KNTC1: variants seen among roughly 807,000 people sequenced by gnomAD.
The protein encoded by KNTC1 is kinetochore associated 1, also known as kinetochore-associated protein 1.
A neutral mutation model predicts 314.4 loss-of-function variants in KNTC1; 253 were observed. The ratio of observed to expected loss-of-function variants is 0.80; its 90% CI spans 0.73 to 0.89. The LOEUF is 0.89. Ranked by LOEUF, KNTC1 falls within the 40% of genes least tolerant of loss-of-function variation. The pLI is 0.00. For missense variants in KNTC1, 2,475 were observed against 2,572.9 expected (o/e 0.96, Z 0.82); for synonymous variants, 901 against 901.4 (o/e 1.00, Z 0.01).
intron 40 of KNTC1, 55 bp from the exon 41 acceptor site, chr12:122,590,552 T>C (rs1870042055): frequency 4.6e-6 from 7 of 1,528,870 alleles, no homozygotes; most frequent in South Asian, 1.3e-5. Flanking sequence ...GTGAACAAAG[T>C]TAATTCTGTT....
chr12:122,537,862 A>G (rs901319171), intron 3 of KNTC1, among the ~76,000 whole-genome samples: 2 of 151,928 alleles, frequency 1.3e-5, no homozygotes, highest in African/African-American at 2.4e-5. Flanking sequence ...AGCTGCATGC[A>G]GTGGCTCACA....
In KNTC1 at chr12:122,544,260, G is replaced by A. The variant is rs927924368; in HGVS notation, c.660G>A (p.Val220=). 6 of 1,509,724 alleles carry A rather than the reference G, an allele frequency of 4.0e-6. No individual in the cohort carries two copies. The highest frequency in any genetic ancestry group is 1.7e-4 in the Middle Eastern group (1 of 5,870). 93.5% of individuals were successfully genotyped at this position (1,509,724 alleles called of 1,614,324 possible). A position where few individuals can be genotyped will look rare whatever the true frequency, so the allele number is the denominator to read the frequency against. ...GAGATTTAGCAAGTGAAGTTCCTGTGATAATTGGGGTAATTGTTTTTATAA... is the reference window on the plus strand; with the variant it reads ...GAGATTTAGCAAGTGAAGTTCCTGTAATAATTGGGGTAATTGTTTTTATAA... ...VAGDLASEVP[V]IIGGTGNCAF... Residue 220 remains valine (V), a synonymous_variant, in exon 8 of 64, where the codon GTG becomes GTA. Coordinates refer to ENST00000333479, the MANE Select transcript of KNTC1 (RefSeq NM_014708.6).
At chr12:122,541,923 G>T in intron 5 of KNTC1, 127 bp from the exon 6 acceptor site, 1 of 791,432 alleles carries the variant, frequency 1.3e-6, no homozygotes, top group Non-Finnish European at 1.8e-6. Context: ...GGAGGCTGAG[G>T]CAGGAGAATT....
In KNTC1 at chr12:122,542,878, A is replaced by C. The variant is rs183902236; in HGVS notation, c.524-722A>C. Among the ~76,000 whole-genome samples the C allele has an allele frequency of 4.6e-4, 70 of 152,290 alleles. 1 individual carries two copies. Among genetic ancestry groups the C allele is most frequent in the Admixed American group, 4.1e-3 (62 of 15,288 alleles). On this transcript the variant is annotated intron_variant, in intron 6 of 63. Transcript: ENST00000333479. ...ATTATTTGAGGAATGGATTTGGAAC[A>C]GGTATTTAACATTTTGTTTTATTTT...
intron 42 of KNTC1, among the ~76,000 whole-genome samples, chr12:122,592,456 C>A (rs1418887193): frequency 6.6e-6 from 1 of 152,176 alleles, no homozygotes; most frequent in Non-Finnish European, 1.5e-5. Flanking sequence ...GCCCTTGGTG[C>A]GGGATCCACT....
intron 20 of KNTC1, among the ~76,000 whole-genome samples, chr12:122,566,131 T>TG: frequency 6.6e-6 from 1 of 151,672 alleles, no homozygotes; most frequent in Non-Finnish European, 1.5e-5. Flanking sequence ...TTAGTAGAGA[T>TG]GGGGTTTCAC....
intron 10 of KNTC1, among the ~76,000 whole-genome samples, chr12:122,547,054 G>A (rs937031446): frequency 2.0e-5 from 3 of 151,402 alleles, no homozygotes; most frequent in Admixed American, 1.3e-4. Context: ...GGCTGGTCTC[G>A]AACTCCTGAC....
At chr12:122,574,675 C>G (rs1405677070) in intron 27 of KNTC1, among the ~76,000 whole-genome samples, 1 of 152,112 alleles carries the variant, frequency 6.6e-6, no homozygotes, top group African/African-American at 2.4e-5. Context: ...TCTTGAACAC[C>G]TGGGCTCAAG....
At chr12:122,581,617 C>G (rs969655181) in intron 33 of KNTC1, among the ~76,000 whole-genome samples, 10 of 152,068 alleles carry the variant, frequency 6.6e-5, no homozygotes, top group African/African-American at 2.4e-4. Context: ...GTCTCAGCCT[C>G]TTGAGTAGCT....
intron 24 of KNTC1, among the ~76,000 whole-genome samples, 194 bp downstream of exon 24, chr12:122,571,320 A>C (rs747040232): frequency 4.0e-5 from 6 of 151,678 alleles, no homozygotes; most frequent in African/African-American, 1.5e-4. Flanking sequence ...ATTTGTGTTA[A>C]AACTTCAACC....
intron 5 of KNTC1, 31 bp downstream of exon 5, chr12:122,539,785 CTTT>C (rs35303600): frequency 1.2e-3 from 1,282 of 1,063,334 alleles, no homozygotes; most frequent in Admixed American, 1.5e-3. Context: ...TTTTGAATGA[CTTT>C]TTTTTTTTTT....
intron 51 of KNTC1, among the ~76,000 whole-genome samples, chr12:122,607,457 G>T (rs1872683921): frequency 6.6e-6 from 1 of 152,120 alleles, no homozygotes; most frequent in Admixed American, 6.6e-5. Context: ...TGTTTCATAA[G>T]CTGCCCTCCA....
chr12:122,602,370 G>A, intron 45 of KNTC1, 199 bp from the exon 46 acceptor site: 1 of 429,410 alleles, frequency 2.3e-6, no homozygotes, highest in Non-Finnish European at 4.1e-6. Flanking sequence ...TCTCCTCATA[G>A]GATTCCTTTA....
chr12:122,580,587 A>C lies in KNTC1; in HGVS notation c.2915-16A>C, dbSNP rs986073521. The C allele has an allele frequency of 4.7e-6, 7 of 1,498,096 alleles. No individual in the cohort carries two copies. In the African/African-American group the frequency reaches 9.8e-5, roughly 21 times the overall value. The allele number at this position is 1,498,096 out of a possible 1,614,324, so 92.8% of individuals were successfully genotyped here. A position where few individuals can be genotyped will look rare whatever the true frequency, so the allele number is the denominator to read the frequency against. ...AATTTGCATGTCTGCTATAACTTTT[A>C]AAAATTTAATTACAGACAATCTGCA... On this transcript the variant is annotated splice_polypyrimidine_tract_variant and intron_variant, in intron 32 of 63. Coordinates refer to ENST00000333479, the MANE Select transcript of KNTC1 (RefSeq NM_014708.6).
chr12:122,574,361 C>T lies in KNTC1; in HGVS notation c.2363C>T (p.Ala788Val), dbSNP rs766486969. The part of the protein sequence containing the change: ...AWEAKAMAVI[A>V]CLSDTDLIFD... ...GAAGCAAAGGCCATGGCAGTAATAGCGTGTTTATCTGACACGGACGTAAGT... is the reference window on the plus strand; with the variant it reads ...GAAGCAAAGGCCATGGCAGTAATAGTGTGTTTATCTGACACGGACGTAAGT... Residue 788 changes from alanine (A) to valine (V), a missense_variant, in exon 27 of 64, where the codon GCG (alanine) becomes GTG (valine). Ala to Val is a moderately conservative substitution (Grantham distance 64). Coordinates refer to ENST00000333479, the MANE Select transcript of KNTC1 (RefSeq NM_014708.6). 13 of 1,604,022 alleles carry T rather than the reference C, an allele frequency of 8.1e-6. No individual in the cohort carries two copies. The highest frequency in any genetic ancestry group is 1.1e-5 in the South Asian group (1 of 90,288).
Position 122,571,060 on chromosome 12 carries a change from G to A in KNTC1, c.1953G>A (p.Glu651=). The change falls in exon 24 of 64, where the codon GAG becomes GAA. Residue 651 remains glutamate, a synonymous_variant. Transcript: ENST00000333479. Reference sequence around the variant, plus strand: ...CAGAAAATGGACTTCAATTGGCAGAGATATTTTTTACAGCAGAAAAAACAG... The same window carrying A: ...CAGAAAATGGACTTCAATTGGCAGAAATATTTTTTACAGCAGAAAAAACAG... ...NWPENGLQLA[E]IFFTAEKTDE... The A allele has an allele frequency of 6.2e-7, 1 of 1,613,706 alleles. No individual in the cohort carries two copies. Among genetic ancestry groups the A allele is most frequent in the East Asian group, 2.2e-5 (1 of 44,840 alleles).
At chr12:122,586,874 A>G in intron 38 of KNTC1, 117 bp downstream of exon 38, 1 of 238,746 alleles carries the variant, frequency 4.2e-6, no homozygotes, top group Non-Finnish European at 7.2e-6. Context: ...GTGAAATGGC[A>G]TGATTGGAGC....
Position 122,573,216 on chromosome 12 carries a change from G to A in KNTC1, c.2214G>A (p.Glu738=). The change falls in exon 26 of 64, where the codon GAG becomes GAA. Residue 738 remains glutamate, a synonymous_variant. Coordinates refer to ENST00000333479, the MANE Select transcript of KNTC1 (RefSeq NM_014708.6). ...LAPELIPSIL[E]KFIRVYMREH... is the part of the protein sequence containing the mutation. ...CAGAGCTTATTCCCTCCATCTTAGA[G>A]AAGTTTATAAGAGTTTACATGAGAG... 1 of 1,613,808 alleles carries A rather than the reference G, an allele frequency of 6.2e-7. No homozygotes were observed. The highest frequency in any genetic ancestry group is 1.1e-5 in the South Asian group (1 of 91,084).
chr12:122,541,199 C>CA (rs954371154), intron 5 of KNTC1, among the ~76,000 whole-genome samples: 199 of 144,768 alleles, frequency 1.4e-3, no homozygotes, highest in African/African-American at 3.1e-3. Flanking sequence ...AAACAAAAAA[C>CA]AAAAAAAAAA....
Sources: allele counts gnomAD v4.1 joint callset (sites outside exome capture counted in the v4.1 genomes callset), GRCh38; gene constraint gnomAD v4.1.1; transcripts MANE v1.5; gene names NCBI Gene and HGNC (gene_info 2026-07-23, HGNC 2026-07-21).